The following CPPED1 variants were observed in gnomAD, a reference collection of about 807,000 sequenced individuals.
CPPED1 encodes calcineurin like phosphoesterase domain containing 1, also known as serine/threonine-protein phosphatase CPPED1.
A neutral mutation model predicts 28.0 loss-of-function variants in CPPED1; 28 were observed. That is an observed-to-expected ratio of 1.00 (90% confidence interval 0.74 to 1.37). The LOEUF (loss-of-function observed/expected upper bound fraction) is 1.37, where lower values mean the gene tolerates loss of function less well. Ranked by LOEUF, CPPED1 falls within the 40% of genes most tolerant of loss-of-function variation. The pLI, the probability that CPPED1 is intolerant of heterozygous loss-of-function variation, is 0.00. For missense variants in CPPED1, 504 were observed against 416.5 expected (o/e 1.21, Z -1.83); for synonymous variants, 198 against 180.2 (o/e 1.10, Z -0.79).
rs1308144974 is a variant in CPPED1, at chr16:12,704,814, G to A, written c.525C>T (p.Pro175=). The A allele has an allele frequency of 6.2e-7, 1 of 1,614,190 alleles. No homozygotes were observed. Among genetic ancestry groups the A allele is most frequent in the East Asian group, 2.2e-5 (1 of 44,878 alleles). The change falls in exon 3 of 4, where the codon CCC becomes CCT. Residue 175 remains proline (P), a synonymous_variant. Coordinates refer to ENST00000381774, the MANE Select transcript of CPPED1 (RefSeq NM_018340.3). Reference sequence around the variant, plus strand: ...ACTGGTCCTGAGCCTGCTTCAGGCTGGGGCATTTGGAGGGGTTCTCGTAGA... The same window carrying A: ...ACTGGTCCTGAGCCTGCTTCAGGCTAGGGCATTTGGAGGGGTTCTCGTAGA... The part of the protein sequence containing the change: ...SQFYENPSKC[P]SLKQAQDQWL...
chr16:12,694,245 G>C (rs905906056), intron 3 of CPPED1, among the ~76,000 whole-genome samples: 1 of 152,114 alleles, frequency 6.6e-6, no homozygotes, highest in Admixed American at 6.6e-5. Flanking sequence ...ATTTTTAGTT[G>C]AAGAGCAATC....
At chr16:12,677,914 G>A (rs576626183) in intron 3 of CPPED1, among the ~76,000 whole-genome samples, 10 of 152,286 alleles carry the variant, frequency 6.6e-5, no homozygotes, top group Admixed American at 4.6e-4. Context: ...TCTCTGTCAC[G>A]ACTACTCAAC....
At chr16:12,693,702 G>A (rs1257761981) in intron 3 of CPPED1, among the ~76,000 whole-genome samples, 3 of 152,162 alleles carry the variant, frequency 2.0e-5, no homozygotes, top group African/African-American at 7.2e-5. Context: ...CTAGTAGACG[G>A]AATGAGCGTT....
chr16:12,737,479 G>T (rs982142770), intron 2 of CPPED1, among the ~76,000 whole-genome samples: 1 of 152,200 alleles, frequency 6.6e-6, no homozygotes, highest in Non-Finnish European at 1.5e-5. Flanking sequence ...GAGCCTTGTG[G>T]TTCCCATGCA....
intron 3 of CPPED1, among the ~76,000 whole-genome samples, chr16:12,666,380 G>C (rs534140454): frequency 6.6e-6 from 1 of 152,290 alleles, no homozygotes; most frequent in Admixed American, 6.5e-5. Context: ...GCATTTTCAG[G>C]GGAAAATGGG....
rs1004451668 is a variant in CPPED1, at chr16:12,718,515, G to C, written c.290-13466C>G. Among the ~76,000 whole-genome samples, 6 of 149,042 alleles carry C rather than the reference G, an allele frequency of 4.0e-5. No homozygotes were observed. In the Admixed American group the frequency reaches 4.0e-4, roughly 10 times the overall value. ...AATTGTGCCACTGCATTGCAGCCTG[G>C]GTGACAGAGCAAGACTCTGTCTTAA... On this transcript the variant is annotated intron_variant, in intron 2 of 3. Coordinates refer to ENST00000381774, the MANE Select transcript of CPPED1 (RefSeq NM_018340.3).
chr16:12,679,822 A>G (rs559419616), intron 3 of CPPED1, among the ~76,000 whole-genome samples: 51 of 152,298 alleles, frequency 3.3e-4, no homozygotes, highest in African/African-American at 1.2e-3. Context: ...GCAGTGACAG[A>G]CTGTCTCTGG....
chr16:12,712,108 T>C (rs76649718), intron 2 of CPPED1, among the ~76,000 whole-genome samples: 5,165 of 152,262 alleles, frequency 0.034, 132 homozygotes, highest in East Asian at 0.1. Flanking sequence ...GACAACTCGT[T>C]TACTGTGGTG....
chr16:12,676,974 T>G (rs1022143026), intron 3 of CPPED1, among the ~76,000 whole-genome samples: 6 of 152,168 alleles, frequency 3.9e-5, no homozygotes, highest in Non-Finnish European at 8.8e-5. Flanking sequence ...CCCAGGAGTC[T>G]GTCCCCAGAG....
Position 12,709,965 on chromosome 16 carries a change from A to G in CPPED1, c.290-4916T>C, listed in dbSNP as rs1024570386. Among the ~76,000 whole-genome samples, 1 of 148,380 alleles carries G rather than the reference A, an allele frequency of 6.7e-6. No individual in the cohort carries two copies. Among genetic ancestry groups the G allele is most frequent in the Non-Finnish European group, 1.5e-5 (1 of 66,976 alleles). ...AAGGGAGGAAGGAAAGAAGGGAAGG[A>G]AGGCAAGGAAGGAAGGAAGGGAAGA... On this transcript the variant is annotated intron_variant, in intron 2 of 3. Transcript: ENST00000381774. The surrounding 1 kb of genome is among the most constrained non-coding windows in gnomAD (Gnocchi z 4.4).
At chr16:12,695,532 T>C (rs7198474) in intron 3 of CPPED1, among the ~76,000 whole-genome samples, 2 of 152,186 alleles carry the variant, frequency 1.3e-5, no homozygotes, top group South Asian at 2.1e-4. Context: ...CGGCCTCCCA[T>C]AGTGCTGGGA....
intron 3 of CPPED1, among the ~76,000 whole-genome samples, chr16:12,685,841 G>A (rs1258244632): frequency 6.6e-6 from 1 of 152,176 alleles, no homozygotes; most frequent in Non-Finnish European, 1.5e-5. Flanking sequence ...AAACCACGGG[G>A]GTGTCTGAGA....
In CPPED1 at chr16:12,729,601, T is replaced by TA. The variant is rs202120964; in HGVS notation, c.290-24553_290-24552insT. Among the ~76,000 whole-genome samples the TA allele has an allele frequency of 8.1e-3, 1,237 of 152,292 alleles. 18 individuals carry two copies. The highest frequency in any genetic ancestry group is 0.063 in the East Asian group (324 of 5,178). Reference sequence around the variant, plus strand: ...GAGGCGGAGGCATTAAAATTTTGTTTTTATAAAGCCACTGAGCAGAAATGA... The same window carrying TA: ...GAGGCGGAGGCATTAAAATTTTGTTTATTATAAAGCCACTGAGCAGAAATGA... On this transcript the variant is annotated intron_variant, in intron 2 of 3. Transcript: ENST00000381774.
chr16:12,712,089 C>A (rs1297105845), intron 2 of CPPED1, among the ~76,000 whole-genome samples: 1 of 152,180 alleles, frequency 6.6e-6, no homozygotes, highest in Non-Finnish European at 1.5e-5. Flanking sequence ...CCAGAGCTCA[C>A]GTTTACCTGA....
At chr16:12,746,963 AAG>A (rs2080292889) in intron 2 of CPPED1, among the ~76,000 whole-genome samples, 1 of 152,088 alleles carries the variant, frequency 6.6e-6, no homozygotes, top group African/African-American at 2.4e-5. Flanking sequence ...AAGTGAGGAA[AAG>A]AGGAAAAAGG....
chr16:12,686,500 TAC>T, intron 3 of CPPED1, among the ~76,000 whole-genome samples: 1 of 152,338 alleles, frequency 6.6e-6, no homozygotes, highest in Middle Eastern at 3.4e-3. Context: ...TCCATTAGAA[TAC>T]AGTTTTGTCA....
chr16:12,665,609 T>G (rs1425678714), intron 3 of CPPED1, among the ~76,000 whole-genome samples: 1 of 151,472 alleles, frequency 6.6e-6, no homozygotes, highest in East Asian at 1.9e-4. Flanking sequence ...CTGGCCAACA[T>G]GATGAAACTC....
chr16:12,797,134 T>A (rs1440010085), intron 1 of CPPED1, among the ~76,000 whole-genome samples: 1 of 152,180 alleles, frequency 6.6e-6, no homozygotes, highest in Non-Finnish European at 1.5e-5. Context: ...ACCACTTTTT[T>A]GGGAAGGTAG....
At chr16:12,738,862 C>T (rs976140124) in intron 2 of CPPED1, among the ~76,000 whole-genome samples, 2 of 152,050 alleles carry the variant, frequency 1.3e-5, no homozygotes, top group Non-Finnish European at 2.9e-5. Context: ...ACTGTTTTGC[C>T]AAAACATGTT....
Sources: gnomAD v4.1 joint callset for allele counts (sites outside exome capture counted in the v4.1 genomes callset) on GRCh38, gnomAD v4.1.1 for gene constraint, Gnocchi (gnomAD v3.1) non-coding constraint, MANE v1.5 for transcripts, NCBI Gene and HGNC (gene_info 2026-07-23, HGNC 2026-07-21) for gene names.